Variants in AIM2 observed in about 807,000 individuals in gnomAD.
AIM2 encodes the protein absent in melanoma 2.
AIM2 carries 30 observed loss-of-function variants against 27.7 expected under a neutral mutation model. The observed-to-expected ratio is 1.08, with a 90% CI of 0.81 to 1.47. The LOEUF (loss-of-function observed/expected upper bound fraction) is 1.47. Ranked by LOEUF, AIM2 falls within the 40% of genes most tolerant of loss-of-function variation. The pLI is 0.00. For missense variants in AIM2, 358 were observed against 411.3 expected (o/e 0.87, Z 1.12); for synonymous variants, 141 against 145.3 (o/e 0.97, Z 0.21).
At chr1:159,082,430 A>G (rs907610427) in intron 1 of AIM2, among the ~76,000 whole-genome samples, 3 of 152,224 alleles carry the variant, frequency 2.0e-5, no homozygotes, top group Non-Finnish European at 4.4e-5. Flanking sequence ...TCAAGGTACC[A>G]GCATATTCAG....
chr1:159,137,290 C>T (rs1458067037), intron 1 of AIM2, among the ~76,000 whole-genome samples: 1 of 152,054 alleles, frequency 6.6e-6, no homozygotes, highest in Non-Finnish European at 1.5e-5. Flanking sequence ...CTTAAGAGTC[C>T]CAGAATGTGT....
intron 1 of AIM2, among the ~76,000 whole-genome samples, chr1:159,098,838 G>A (rs1217145711): frequency 3.3e-5 from 5 of 152,184 alleles, no homozygotes; most frequent in African/African-American, 1.2e-4. Context: ...CTTTAGCGGA[G>A]GAAGATAATA....
At chr1:159,085,887 G>A (rs769082504) in intron 1 of AIM2, among the ~76,000 whole-genome samples, 2 of 152,200 alleles carry the variant, frequency 1.3e-5, no homozygotes, top group African/African-American at 2.4e-5. Flanking sequence ...CTTGAGTATC[G>A]CTAAGAGAGT....
intron 4 of AIM2, among the ~76,000 whole-genome samples, chr1:159,065,197 A>G (rs1656029961): frequency 6.6e-6 from 1 of 152,134 alleles, no homozygotes; most frequent in Non-Finnish European, 1.5e-5. Context: ...TCATCCCACA[A>G]GGCTAGTTCC....
At chr1:159,110,462 C>T (rs1370577393) in intron 1 of AIM2, among the ~76,000 whole-genome samples, 1 of 152,162 alleles carries the variant, frequency 6.6e-6, no homozygotes, top group Admixed American at 6.5e-5. Context: ...CCGCTAGGTA[C>T]AAGAGGCCCA....
At chr1:159,083,213 A>T (rs1214183231) in intron 1 of AIM2, among the ~76,000 whole-genome samples, 1 of 152,226 alleles carries the variant, frequency 6.6e-6, no homozygotes, top group Non-Finnish European at 1.5e-5. Context: ...AACAATTGTG[A>T]AATGACCATA....
intron 1 of AIM2, among the ~76,000 whole-genome samples, chr1:159,106,186 C>T (rs1231874432): frequency 2.0e-5 from 3 of 152,178 alleles, no homozygotes; most frequent in Non-Finnish European, 4.4e-5. Flanking sequence ...GGGTCCGGAG[C>T]TGCAGCTGGG....
intron 1 of AIM2, among the ~76,000 whole-genome samples, chr1:159,096,308 C>T (rs916841001): frequency 5.3e-5 from 8 of 151,758 alleles, no homozygotes; most frequent in African/African-American, 1.9e-4. Context: ...TAGCCTCTCT[C>T]TCTCTGATTC....
At chr1:159,100,591 T>C (rs1462206266) in intron 1 of AIM2, among the ~76,000 whole-genome samples, 1 of 152,224 alleles carries the variant, frequency 6.6e-6, no homozygotes, top group African/African-American at 2.4e-5. Context: ...TGAACCTAAG[T>C]TGGCATTAGT....
chr1:159,073,149 C>T, intron 2 of AIM2, 89 bp downstream of exon 2: 1 of 1,521,252 alleles, frequency 6.6e-7, no homozygotes, highest in South Asian at 1.2e-5. Flanking sequence ...ACAATGTGCA[C>T]TGGGGGTCAT....
chr1:159,106,596 GCATA>G (rs1356019088), intron 1 of AIM2, among the ~76,000 whole-genome samples: 3 of 152,180 alleles, frequency 2.0e-5, no homozygotes, highest in Non-Finnish European at 4.4e-5. Context: ...TGCTCCCAGG[GCATA>G]CAGCTGCACA....
At chr1:159,065,840 G>C in intron 4 of AIM2, 70 bp downstream of exon 4, 1 of 1,469,390 alleles carries the variant, frequency 6.8e-7, no homozygotes, top group South Asian at 1.4e-5. Flanking sequence ...CATTTCCAAA[G>C]TTTCTTTAAG....
chr1:159,063,607 C>T lies in AIM2; in HGVS notation c.884G>A (p.Gly295Glu). 6.2e-7 allele frequency: 1 copy of T among 1,614,064 alleles called. No homozygotes were observed. The highest frequency in any genetic ancestry group is 8.5e-7 in the Non-Finnish European group (1 of 1,179,986). ...SDNTGKMEVL[G>E]VRNEDTMKCK... The stretch of plus-strand genomic sequence containing the variant: ...TTTCATTGTGTCCTCGTTTCTAACC[C>T]CCAGTACTTCCATTTTCCCAGTGTT... Residue 295 changes from glycine (G) to glutamate (E), a missense_variant, in exon 5 of 6, where the codon GGG becomes GAG. Gly to Glu is a moderately conservative substitution (Grantham distance 98). Coordinates refer to ENST00000368130, the MANE Select transcript of AIM2 (RefSeq NM_004833.3).
chr1:159,102,727 C>G (rs1034749716), intron 1 of AIM2, among the ~76,000 whole-genome samples: 4 of 152,178 alleles, frequency 2.6e-5, no homozygotes, highest in African/African-American at 9.7e-5. Context: ...TTGCATGGGG[C>G]CTGTAGCCCC....
chr1:159,144,313 G>C (rs1648166160), upstream of AIM2, among the ~76,000 whole-genome samples: 1 of 152,054 alleles, frequency 6.6e-6, no homozygotes, highest in African/African-American at 2.4e-5. Context: ...TACTTATAAT[G>C]TATATCAACA....
At chr1:159,081,320 C>T, upstream of AIM2, 1 of 227,224 alleles carries the variant, frequency 4.4e-6, no homozygotes, top group South Asian at 4.7e-5. Flanking sequence ...ATCTGTTGAC[C>T]TGGGTCTGAT....
intron 1 of AIM2, among the ~76,000 whole-genome samples, chr1:159,104,144 C>T (rs984455700): frequency 1.3e-5 from 2 of 151,922 alleles, no homozygotes; most frequent in Non-Finnish European, 1.5e-5. Context: ...ATATTAGGGG[C>T]TAAATGTCAG....
chr1:159,064,752 G>A (rs548562359), intron 4 of AIM2, among the ~76,000 whole-genome samples: 1 of 152,256 alleles, frequency 6.6e-6, no homozygotes, highest in African/African-American at 2.4e-5. Flanking sequence ...GGCATGAGCT[G>A]CCGCGCCCAG....
chr1:159,144,469 A>G (rs1648168451), upstream of AIM2, among the ~76,000 whole-genome samples: 1 of 152,182 alleles, frequency 6.6e-6, no homozygotes, highest in Admixed American at 6.5e-5. Flanking sequence ...TTAAAATAAG[A>G]AGAGAAACAA....
Sources: allele counts gnomAD v4.1 joint callset (sites outside exome capture counted in the v4.1 genomes callset), GRCh38; gene constraint gnomAD v4.1.1; transcripts MANE v1.5; gene names NCBI Gene and HGNC (gene_info 2026-07-23, HGNC 2026-07-21).